Variants in USH1C observed in about 807,000 individuals in gnomAD.
USH1C encodes harmonin.
In USH1C, 90 loss-of-function variants were observed where a neutral mutation model predicts 119.3. That is an observed-to-expected ratio of 0.75 (90% CI 0.64 to 0.90). The LOEUF (loss-of-function observed/expected upper bound fraction) is 0.90. USH1C is among the 40% of genes least tolerant of loss of function. USH1C has a pLI of 0.00. For synonymous variants in USH1C, 465 were observed against 443.3 expected (o/e 1.05, Z -0.62); for missense variants, 1,165 against 1,167.7 (o/e 1.00, Z 0.03).
intron 20 of USH1C, among the ~76,000 whole-genome samples, chr11:17,504,156 G>A (rs149484881): frequency 1.3e-5 from 2 of 152,290 alleles, no homozygotes; most frequent in Non-Finnish European, 2.9e-5. Context: ...CCTGTGCACA[G>A]GAGTGCCCTA....
chr11:17,526,518 G>A, intron 7 of USH1C, 77 bp from the exon 8 acceptor site: 1 of 1,336,646 alleles, frequency 7.5e-7, no homozygotes, highest in South Asian at 1.2e-5. Flanking sequence ...GGGATCTGCA[G>A]GGCGAGCACT....
At chr11:17,510,131 G>T (rs1303578344) in intron 17 of USH1C, among the ~76,000 whole-genome samples, 4 of 152,124 alleles carry the variant, frequency 2.6e-5, no homozygotes, top group Non-Finnish European at 4.4e-5. Context: ...AGAGTGTAAG[G>T]GGGACTCTTA....
In USH1C at chr11:17,524,387, G is replaced by A. The variant is rs140191283; in HGVS notation, c.759+64C>T. The A allele has an allele frequency of 3.3e-4, 506 of 1,517,664 alleles. 3 individuals carry two copies. The African/African-American group carries it at 4.7e-3, about 14-fold the overall frequency. 94.0% of individuals were successfully genotyped at this position (1,517,664 alleles called of 1,614,324 possible). On this transcript the variant is annotated intron_variant, in intron 9 of 26. Transcript: ENST00000005226. ...TGGAAAGGCACCTGCCCCTGTCACC[G>A]CGGGATCACAGTCTGACCCAATTTC... is the stretch of plus-strand genomic sequence containing the variant.
At chr11:17,535,057 TCC>T in intron 1 of USH1C, among the ~76,000 whole-genome samples, 1 of 152,078 alleles carries the variant, frequency 6.6e-6, no homozygotes, top group Non-Finnish European at 1.5e-5. Context: ...CAGGGGTGCC[TCC>T]CTGAGACAGG....
chr11:17,501,418 C>T, intron 22 of USH1C, 64 bp downstream of exon 22: 1 of 1,565,528 alleles, frequency 6.4e-7, no homozygotes, highest in Non-Finnish European at 8.7e-7. Flanking sequence ...AGGCAGGAGA[C>T]CAAGGGAGGA....
At chr11:17,519,902 G>C (rs576983822) in intron 14 of USH1C, among the ~76,000 whole-genome samples, 8 of 152,258 alleles carry the variant, frequency 5.3e-5, no homozygotes, top group African/African-American at 1.7e-4. Flanking sequence ...CCAAAGTTGG[G>C]GACAGAGCTG....
At position 17,516,463 on chromosome 11, in the gene USH1C, G is replaced by A. The variant is rs1850149313; in HGVS notation, c.1211-173C>T. 2.8e-5 allele frequency: 20 copies of A among 705,180 alleles called. 1 individual carries two copies. In the South Asian group the frequency reaches 3.0e-4, roughly 10 times the overall value. 43.7% of individuals were successfully genotyped at this position (705,180 alleles called of 1,614,324 possible). A position where few individuals can be genotyped will look rare whatever the true frequency, so the allele number is the denominator to read the frequency against. ...TGTCCAACTCGGCTTACCTGGCCTT[G>A]CCTTGGTTGCAGAACAGGCCTAAGA... On this transcript the variant is annotated intron_variant, in intron 14 of 26. Transcript: ENST00000005226.
intron 1 of USH1C, 56 bp downstream of exon 1, chr11:17,544,216 C>G: frequency 1.2e-6 from 2 of 1,611,676 alleles, no homozygotes; most frequent in Non-Finnish European, 1.7e-6. Flanking sequence ...CACCCCCTAC[C>G]CACCGCGCCC....
At position 17,523,253 on chromosome 11, in the gene USH1C, C is replaced by T. The variant is rs1409072320; in HGVS notation, c.834G>A (p.Leu278=). The T allele has an allele frequency of 6.2e-7, 1 of 1,614,210 alleles. No individual in the cohort carries two copies. Among genetic ancestry groups the T allele is most frequent in the Admixed American group, 1.7e-5 (1 of 60,024 alleles). Residue 278 remains leucine, a synonymous_variant, in exon 11 of 27, where the codon CTG becomes CTA. Transcript: ENST00000005226. The stretch of plus-strand genomic sequence containing the variant: ...AGATGGTCAGGCTGCGGCTACTCTT[C>T]AGCACATTTACAGCCTGTGGGGACA... ...NLDHKEAVNV[L]KSSRSLTISI... is the part of the protein sequence containing the mutation.
intron 11 of USH1C, 47 bp from the exon 12 acceptor site, chr11:17,522,973 G>C: frequency 6.3e-7 from 1 of 1,599,008 alleles, no homozygotes; most frequent in Non-Finnish European, 8.5e-7. Context: ...GGGAACCTGG[G>C]GATCCCCTGA....
intron 2 of USH1C, 95 bp downstream of exon 2, chr11:17,533,160 C>T (rs1047604994): frequency 1.2e-5 from 11 of 909,570 alleles, no homozygotes; most frequent in Admixed American, 5.1e-5. Flanking sequence ...AGCATCCACC[C>T]TCTGAGCTCC....
Position 17,522,853 on chromosome 11 carries a change from AG to A in USH1C, c.949del (p.Leu317PhefsTer48), listed in dbSNP as rs1180393058. On this transcript the variant is annotated frameshift_variant, in exon 12 of 27. Coordinates refer to ENST00000005226, the MANE Select transcript of USH1C (RefSeq NM_153676.4). LOFTEE classifies it high-confidence loss of function. ...ARQRELQRQE[L>X]LMQKRLAMES... ...CATCGCCAGCCGCTTCTGCATGAGA[AG>A]CTCCTGCCGCTGCAGCTCACGCTGC... 1 of 1,612,220 alleles carries A rather than the reference AG, an allele frequency of 6.2e-7. No homozygotes were observed. The highest frequency in any genetic ancestry group is 1.3e-5 in the African/African-American group (1 of 74,866).
intron 4 of USH1C, among the ~76,000 whole-genome samples, chr11:17,530,443 C>G (rs1002186431): frequency 1.3e-5 from 2 of 152,236 alleles, no homozygotes; most frequent in African/African-American, 4.8e-5. Context: ...TCTATTAATT[C>G]TGTAAAATGG....
In USH1C at chr11:17,517,443, G is replaced by C. The variant is rs759001163; in HGVS notation, c.1211-1153C>G. 1 of 1,596,028 alleles carries C rather than the reference G, an allele frequency of 6.3e-7. No homozygotes were observed. The highest frequency in any genetic ancestry group is 8.5e-7 in the Non-Finnish European group (1 of 1,170,692). The stretch of plus-strand genomic sequence containing the variant: ...CCGTGCCTCCATCCAGGTCATCTGC[G>C]GGCTCGAGCTCAGGTTCCACTCCCT... On this transcript the variant is annotated intron_variant, in intron 14 of 26. Transcript: ENST00000005226.
chr11:17,541,191 CT>C (rs1351146408), intron 1 of USH1C, among the ~76,000 whole-genome samples: 1 of 152,210 alleles, frequency 6.6e-6, no homozygotes. Context: ...CTATCTCTCT[CT>C]CCCCATCTTA....
intron 20 of USH1C, 39 bp from the exon 21 acceptor site, chr11:17,502,019 G>A: frequency 6.2e-7 from 1 of 1,605,422 alleles, no homozygotes; most frequent in Non-Finnish European, 8.5e-7. Context: ...ACACAGCAGA[G>A]GGTCTTGAGG....
intron 1 of USH1C, chr11:17,533,528 A>T: frequency 1.5e-6 from 1 of 646,078 alleles, no homozygotes; most frequent in Non-Finnish European, 2.8e-6. Context: ...TGGCCACAGG[A>T]GTACCGCTGC....
chr11:17,517,962 C>T (rs1385101953), intron 14 of USH1C, among the ~76,000 whole-genome samples: 6 of 152,162 alleles, frequency 3.9e-5, no homozygotes, highest in African/African-American at 1.4e-4. Context: ...GAGGTGGGGA[C>T]ATCCCAAAAG....
At chr11:17,533,122 T>C in intron 2 of USH1C, 133 bp downstream of exon 2, 1 of 770,694 alleles carries the variant, frequency 1.3e-6, no homozygotes, top group East Asian at 2.5e-5. Flanking sequence ...GAGTGAATGG[T>C]ATGTCCATTT....
Sources: gnomAD v4.1 joint callset for allele counts (sites outside exome capture counted in the v4.1 genomes callset) on GRCh38, gnomAD v4.1.1 for gene constraint, MANE v1.5 for transcripts, NCBI Gene and HGNC (gene_info 2026-07-23, HGNC 2026-07-21) for gene names.